The following TSPAN7 variants were observed in gnomAD, a reference collection of about 807,000 sequenced individuals.
The protein encoded by TSPAN7 is tetraspanin 7, also known as tetraspanin-7.
Under a neutral mutation model 17.6 loss-of-function variants are expected in TSPAN7, and 1 was observed. The observed-to-expected ratio is 0.06, with a 90% CI of 0.02 to 0.27. The LOEUF (loss-of-function observed/expected upper bound fraction) is 0.27. Among genes scored for constraint, TSPAN7 ranks in the 10% least tolerant of loss-of-function variants. The pLI, the probability that TSPAN7 is intolerant of heterozygous loss-of-function variation, is 1.00. For missense variants in TSPAN7, 112 were observed against 201.7 expected (o/e 0.56, Z 2.69); for synonymous variants, 78 against 79.0 (o/e 0.99, Z 0.07).
intron 1 of TSPAN7, among the ~76,000 whole-genome samples, chrX:38,615,612 G>C (rs1427984436): frequency 8.9e-6 from 1 of 111,896 alleles, no homozygotes; most frequent in East Asian, 2.8e-4. Context: ...TACTGTATTG[G>C]TTTTCAAATT....
chrX:38,567,139 G>A (rs1428995311), intron 1 of TSPAN7, among the ~76,000 whole-genome samples: 1 of 111,010 alleles, frequency 9.0e-6, no homozygotes, highest in East Asian at 2.8e-4. Flanking sequence ...TATAAATAGA[G>A]GGAAAAGTCT....
chrX:38,683,320 A>G (rs2069904004), intron 6 of TSPAN7, among the ~76,000 whole-genome samples: 1 of 112,831 alleles, frequency 8.9e-6, no homozygotes, highest in African/African-American at 3.2e-5. Flanking sequence ...ATGTATGATT[A>G]GACAAATAAT....
intron 1 of TSPAN7, among the ~76,000 whole-genome samples, chrX:38,594,092 A>G (rs1028301682): frequency 6.2e-5 from 7 of 112,152 alleles, no homozygotes. Context: ...TAATCCTTGT[A>G]GACATGGAGT....
chrX:38,561,673 C>A, intron 1 of TSPAN7, 46 bp downstream of exon 1: 1 of 1,073,406 alleles, frequency 9.3e-7, no homozygotes. Context: ...GTCCATCGGT[C>A]CGTATGATGA....
Position 38,592,774 on chromosome X carries a change from C to G in TSPAN7, c.81+31147C>G, listed in dbSNP as rs748979829. 5.5e-5 allele frequency among the ~76,000 whole-genome samples: 6 copies of G among 110,010 alleles called. No individual in the cohort carries two copies. In the South Asian group the frequency reaches 2.3e-3, roughly 43 times the overall value. On this transcript the variant is annotated intron_variant, in intron 1 of 7. Coordinates refer to ENST00000378482, the MANE Select transcript of TSPAN7 (RefSeq NM_004615.4). ...AGGTGTATGTACTTATGGGGTACCA[C>G]CACACTCCATTGTTATTTTTGTGTA...
At chrX:38,613,984 TC>T (rs1003902588) in intron 1 of TSPAN7, among the ~76,000 whole-genome samples, 1 of 108,450 alleles carries the variant, frequency 9.2e-6, no homozygotes, top group African/African-American at 3.4e-5. Context: ...TTTTTTTTTT[TC>T]TTTTTTTTTT....
At chrX:38,686,746 T>C (rs1244357684) in intron 6 of TSPAN7, among the ~76,000 whole-genome samples, 1 of 112,226 alleles carries the variant, frequency 8.9e-6, no homozygotes, top group Admixed American at 9.4e-5. Flanking sequence ...TTTTCTTTTC[T>C]AATGAACAGA....
At chrX:38,597,316 A>AT (rs746639678) in intron 1 of TSPAN7, among the ~76,000 whole-genome samples, 330 of 109,418 alleles carry the variant, frequency 3.0e-3, no homozygotes, top group Middle Eastern at 0.023. Context: ...ATAAACAAGT[A>AT]TTTTTTTTTG....
At position 38,645,763 on chromosome X, in the gene TSPAN7, G is replaced by A. The variant is rs1169612717; in HGVS notation, c.82-20358G>A. ...CAGGAGGCAATTCAGAACATAAAAG[G>A]ATTCTGGACGGTACAGATTCTTGGT... On this transcript the variant is annotated intron_variant, in intron 1 of 7. Transcript: ENST00000378482. 3.6e-5 allele frequency among the ~76,000 whole-genome samples: 4 copies of A among 111,946 alleles called. No homozygotes were observed. The Admixed American group carries it at 3.8e-4, about 11-fold the overall frequency.
At chrX:38,655,454 A>G (rs1191009294) in intron 1 of TSPAN7, among the ~76,000 whole-genome samples, 5 of 111,128 alleles carry the variant, frequency 4.5e-5, no homozygotes, top group Non-Finnish European at 5.7e-5. Flanking sequence ...GAGTGTTGAA[A>G]GGAAAGCTAA....
chrX:38,684,563 T>C (rs2069914683), intron 6 of TSPAN7, among the ~76,000 whole-genome samples: 1 of 111,417 alleles, frequency 9.0e-6, no homozygotes, highest in South Asian at 3.9e-4. Context: ...AGCCATGGGA[T>C]GTCTGGGCAT....
chrX:38,654,617 C>T (rs1444424569), intron 1 of TSPAN7, among the ~76,000 whole-genome samples: 2 of 112,166 alleles, frequency 1.8e-5, no homozygotes, highest in African/African-American at 6.5e-5. Flanking sequence ...CTCCAAAGCT[C>T]ATACTTACTT....
intron 1 of TSPAN7, among the ~76,000 whole-genome samples, chrX:38,643,834 G>T (rs1184310779): frequency 2.7e-5 from 3 of 111,435 alleles, no homozygotes; most frequent in African/African-American, 9.8e-5. Context: ...GACAGAGCGA[G>T]ACTCCGTCTC....
chrX:38,635,796 C>CAG (rs753978161), intron 1 of TSPAN7, among the ~76,000 whole-genome samples: 1 of 111,467 alleles, frequency 9.0e-6, no homozygotes, highest in East Asian at 2.8e-4. Flanking sequence ...CAATAAATTG[C>CAG]AGAGTAGGAC....
intron 1 of TSPAN7, among the ~76,000 whole-genome samples, chrX:38,591,830 C>A (rs934173031): frequency 4.5e-5 from 5 of 112,263 alleles, no homozygotes; most frequent in Admixed American, 1.9e-4. Flanking sequence ...AACAACATAA[C>A]CACTCCAGTT....
intron 1 of TSPAN7, among the ~76,000 whole-genome samples, chrX:38,625,547 A>G (rs2069517394): frequency 8.9e-6 from 1 of 112,036 alleles, no homozygotes; most frequent in African/African-American, 3.2e-5. Context: ...AAATACTCAC[A>G]GTGCAATTCT....
At chrX:38,607,042 C>T (rs1307483766) in intron 1 of TSPAN7, among the ~76,000 whole-genome samples, 1 of 111,564 alleles carries the variant, frequency 9.0e-6, no homozygotes, top group Non-Finnish European at 1.9e-5. Context: ...AGTCAAGTTC[C>T]TATTCTGGCA....
At chrX:38,671,592 G>A in intron 3 of TSPAN7, 142 bp downstream of exon 3, 1 of 596,497 alleles carries the variant, frequency 1.7e-6, no homozygotes, top group Non-Finnish European at 2.8e-6. Context: ...CATGTCATAT[G>A]ACCTGAAATT....
chrX:38,606,005 G>C (rs1464749347), intron 1 of TSPAN7, among the ~76,000 whole-genome samples: 7 of 107,167 alleles, frequency 6.5e-5, no homozygotes, highest in Non-Finnish European at 1.2e-4. Context: ...GCATGGGCAA[G>C]GACTTCATGT....
Sources: gnomAD v4.1 joint callset for allele counts (sites outside exome capture counted in the v4.1 genomes callset) on GRCh38, gnomAD v4.1.1 for gene constraint, MANE v1.5 for transcripts, NCBI Gene and HGNC (gene_info 2026-07-23, HGNC 2026-07-21) for gene names.